The following WASF2 variants were observed in gnomAD, a reference collection of about 807,000 sequenced individuals.
WASF2 encodes the protein WASP family member 2.
In WASF2, 14 loss-of-function variants were observed where a neutral mutation model predicts 45.0. That is an observed-to-expected ratio of 0.31 (90% CI 0.21 to 0.49). The LOEUF is 0.49. Ranked by LOEUF, WASF2 falls within the 20% of genes least tolerant of loss-of-function variation. The probability of loss-of-function intolerance (pLI) is 0.99; values close to 1 mark genes in which losing one functional copy is unlikely to be tolerated. For missense variants in WASF2, 439 were observed against 636.1 expected (o/e 0.69, Z 3.33); for synonymous variants, 200 against 236.3 (o/e 0.85, Z 1.41).
At position 27,410,806 on chromosome 1, in the gene WASF2, AT is replaced by A. The variant is rs2016751638; in HGVS notation, c.825-601del. ...AAATCTTGAGAGAGAATGAATCTCA[AT>A]CCGAGAATCTGCAGAGATGGGAAAT... On this transcript the variant is annotated intron_variant, in intron 7 of 8. Coordinates refer to ENST00000618852, the MANE Select transcript of WASF2 (RefSeq NM_006990.5). This position sits in a 1 kb window ranked among gnomAD's most constrained non-coding sequence, Gnocchi z 4.2. 6.6e-6 allele frequency among the ~76,000 whole-genome samples: 1 copy of A among 152,182 alleles called. No homozygotes were observed. The highest frequency in any genetic ancestry group is 1.9e-4 in the East Asian group (1 of 5,194).
chr1:27,465,066 G>A (rs184747310), intron 1 of WASF2, among the ~76,000 whole-genome samples: 2 of 152,092 alleles, frequency 1.3e-5, no homozygotes, highest in African/African-American at 4.8e-5. Flanking sequence ...TTTTAAAGAC[G>A]CAAGGAAACA....
intron 1 of WASF2, among the ~76,000 whole-genome samples, chr1:27,468,385 A>C (rs1226208972): frequency 2.6e-5 from 4 of 152,028 alleles, no homozygotes; most frequent in Non-Finnish European, 5.9e-5. Context: ...TCACGCCTGT[A>C]ATCTCAGCAC....
intron 1 of WASF2, among the ~76,000 whole-genome samples, chr1:27,456,471 C>A (rs1019760309): frequency 1.3e-5 from 2 of 151,962 alleles, no homozygotes; most frequent in Non-Finnish European, 2.9e-5. Flanking sequence ...TAGTAGAGGT[C>A]CATATCAGAT....
chr1:27,412,662 C>T lies in WASF2; in HGVS notation c.734G>A (p.Ser245Asn), dbSNP rs1354699666. Residue 245 changes from serine to asparagine, a missense_variant, in exon 7 of 9, where the codon AGC (serine) becomes AAC (asparagine). Physicochemically the swap from Ser to Asn is conservative, Grantham distance 46. Around this residue, in one of 5 missense-constraint regions of WASF2, gnomAD observed 286 missense variants for 373.5 expected, o/e 0.77. Transcript: ENST00000618852. Reference protein sequence around the residue: ...IGCVENVDASSYPPPPQSDSA... With the variant: ...IGCVENVDASNYPPPPQSDSA... ...GTCTGACTGTGGTGGTGGCGGATAG[C>T]TACTTGCATCCACGTTTTCAACACA... 1 of 1,614,218 alleles carries T rather than the reference C, an allele frequency of 6.2e-7. No homozygotes were observed.
At chr1:27,470,296 G>C (rs1489074982) in intron 1 of WASF2, among the ~76,000 whole-genome samples, 1 of 152,148 alleles carries the variant, frequency 6.6e-6, no homozygotes, top group Non-Finnish European at 1.5e-5. Context: ...AGTTCTAGAT[G>C]ATAGAATATT....
At chr1:27,447,365 G>C (rs946503205) in intron 1 of WASF2, among the ~76,000 whole-genome samples, 4 of 152,094 alleles carry the variant, frequency 2.6e-5, no homozygotes, top group African/African-American at 9.7e-5. Context: ...AACTCTCAAG[G>C]ATTTCAATGA....
At chr1:27,432,971 C>A (rs1303003560) in intron 1 of WASF2, among the ~76,000 whole-genome samples, 1 of 152,176 alleles carries the variant, frequency 6.6e-6, no homozygotes, top group African/African-American at 2.4e-5. Context: ...CTATGCTGTC[C>A]AGGCTGGTCT....
Position 27,404,848 on chromosome 1 carries a change from A to C in WASF2, c.*3341T>G, listed in dbSNP as rs1192503171. 19 of 152,298 alleles carry C rather than the reference A, an allele frequency of 1.2e-4. No individual in the cohort carries two copies. The highest frequency in any genetic ancestry group is 1.2e-3 in the Admixed American group (19 of 15,286). The allele number at this position is 152,298 out of a possible 1,614,324, so 9.4% of individuals were successfully genotyped here. On this transcript the variant is annotated 3_prime_UTR_variant, in exon 9 of 9. Coordinates refer to ENST00000618852, the MANE Select transcript of WASF2 (RefSeq NM_006990.5). ...CAGAAGGAGGCACAGAATGAGGCAC[A>C]TCTCTGCGCGACACCTGGTCCCAGG... is the stretch of plus-strand genomic sequence containing the variant.
intron 1 of WASF2, among the ~76,000 whole-genome samples, chr1:27,455,572 C>A (rs1203002270): frequency 1.3e-5 from 2 of 152,218 alleles, no homozygotes; most frequent in African/African-American, 4.8e-5. Context: ...TGTTTAGCCT[C>A]ATCTCTGGCC....
At chr1:27,474,333 T>A (rs1006469514) in intron 1 of WASF2, among the ~76,000 whole-genome samples, 3 of 152,090 alleles carry the variant, frequency 2.0e-5, no homozygotes, top group African/African-American at 7.2e-5. Context: ...AGACTTCCCA[T>A]TTACTTAAAA....
intron 1 of WASF2, among the ~76,000 whole-genome samples, chr1:27,474,952 A>AAAAAC (rs1019308644): frequency 1.8e-4 from 28 of 151,784 alleles, no homozygotes; most frequent in Admixed American, 1.3e-4. Context: ...ATCTTGTCTC[A>AAAAAC]AAAACAAAAC....
intron 1 of WASF2, among the ~76,000 whole-genome samples, chr1:27,483,587 C>A (rs1355714943): frequency 6.6e-6 from 1 of 152,004 alleles, no homozygotes; most frequent in African/African-American, 2.4e-5. Flanking sequence ...TTACAGTGAG[C>A]CGAGATCACG....
intron 1 of WASF2, among the ~76,000 whole-genome samples, chr1:27,473,295 A>G (rs1469420444): frequency 1.3e-5 from 2 of 151,840 alleles, no homozygotes; most frequent in Non-Finnish European, 2.9e-5. Context: ...CCTGGCTAAC[A>G]TGGTGAAACC....
At chr1:27,413,036 C>G (rs1336304940) in intron 6 of WASF2, among the ~76,000 whole-genome samples, 1 of 152,100 alleles carries the variant, frequency 6.6e-6, no homozygotes, top group Non-Finnish European at 1.5e-5. Flanking sequence ...AAATTCTCTC[C>G]CCAGTGTCAG....
chr1:27,457,429 TAGTC>T (rs1316190505), intron 1 of WASF2: 1 of 151,952 alleles, frequency 6.6e-6, no homozygotes, highest in Non-Finnish European at 1.5e-5. Flanking sequence ...TTACAAAACT[TAGTC>T]AGGCATGGTG....
chr1:27,449,416 T>C (rs1260616495), intron 1 of WASF2, among the ~76,000 whole-genome samples: 4 of 152,026 alleles, frequency 2.6e-5, no homozygotes, highest in Admixed American at 2.6e-4. Context: ...CTGGCCAACA[T>C]GGTGAAACCC....
chr1:27,487,657 A>ATT (rs2017960907), intron 1 of WASF2, among the ~76,000 whole-genome samples: 1 of 104,756 alleles, frequency 9.5e-6, no homozygotes, highest in Non-Finnish European at 1.8e-5. Flanking sequence ...TATATTATAT[A>ATT]ATATATATTA....
chr1:27,489,656 G>A (rs1292581929), intron 1 of WASF2, among the ~76,000 whole-genome samples: 1 of 152,174 alleles, frequency 6.6e-6, no homozygotes, highest in Non-Finnish European at 1.5e-5. Flanking sequence ...TTTACACAGG[G>A]GGTAAACTAA....
Position 27,416,379 on chromosome 1 carries a change from T to C in WASF2, c.420-277A>G, listed in dbSNP as rs1027987630. On this transcript the variant is annotated intron_variant, in intron 4 of 8. Transcript: ENST00000618852. ...GTACAGGTGATAGCAGCAGGGATCCTGATTACTTCTGATGATCTGCATGGC... is the reference window on the plus strand; with the variant it reads ...GTACAGGTGATAGCAGCAGGGATCCCGATTACTTCTGATGATCTGCATGGC... Among the ~76,000 whole-genome samples, 27 of 152,316 alleles carry C rather than the reference T, an allele frequency of 1.8e-4. 1 individual carries two copies. The Middle Eastern group carries it at 0.01, about 58-fold the overall frequency.
Sources: gnomAD v4.1 joint callset for allele counts (sites outside exome capture counted in the v4.1 genomes callset) on GRCh38, gnomAD v4.1.1 for gene constraint, gnomAD v4.1.1 regional missense constraint, Gnocchi (gnomAD v3.1) non-coding constraint, MANE v1.5 for transcripts, NCBI Gene and HGNC (gene_info 2026-07-23, HGNC 2026-07-21) for gene names.